Variants in AMMECR1 observed in about 807,000 individuals in gnomAD.
AMMECR1 encodes the protein AMMECR nuclear protein 1.
Under a neutral mutation model 22.5 loss-of-function variants are expected in AMMECR1, and 3 were observed. The ratio of observed to expected loss-of-function variants is 0.13; its 90% CI spans 0.06 to 0.35. AMMECR1 has a LOEUF of 0.35. AMMECR1 is among the 10% of genes least tolerant of loss of function. The pLI is 1.00. For missense variants in AMMECR1, 235 were observed against 278.7 expected, an observed-to-expected ratio of 0.84 and a Z score of 1.12; for synonymous variants, 130 against 116.7, an observed-to-expected ratio of 1.11 and a Z score of -0.74.
intron 1 of AMMECR1, among the ~76,000 whole-genome samples, chrX:110,314,676 G>T (rs2068039914): frequency 8.9e-6 from 1 of 111,935 alleles, no homozygotes; most frequent in Admixed American, 9.4e-5. Flanking sequence ...AAATCCAAGA[G>T]TGCTGATTTT....
At position 110,349,045 on chromosome X, in the gene AMMECR1, A is replaced by C. The variant is rs145511876; in HGVS notation, c.-147-31196T>G. Among the ~76,000 whole-genome samples the C allele has an allele frequency of 1.0e-3, 117 of 112,313 alleles. 1 individual carries two copies. Among genetic ancestry groups the C allele is most frequent in the Middle Eastern group, 4.6e-3 (1 of 218 alleles). On this transcript the variant is annotated intron_variant, in intron 2 of 7. Coordinates refer to the AMMECR1 transcript ENST00000372057. ...GTGATAAGATCTCATTGGCCTTAAA[A>C]GAAGAAAATAAAAATAAAGTAACAA...
intron 1 of AMMECR1, among the ~76,000 whole-genome samples, chrX:110,304,899 T>G (rs2067985976): frequency 8.9e-6 from 1 of 112,119 alleles, no homozygotes; most frequent in Non-Finnish European, 1.9e-5. Context: ...TTTCTCTGCC[T>G]AGACTGCTTT....
At chrX:110,319,524 C>G (rs750022050), upstream of AMMECR1, among the ~76,000 whole-genome samples, 6 of 112,029 alleles carry the variant, frequency 5.4e-5, no homozygotes, top group Non-Finnish European at 9.4e-5. Flanking sequence ...GTATGCCTCC[C>G]GCTCTAAAAG....
chrX:110,201,038 A>G lies in AMMECR1; in HGVS notation c.803T>C (p.Ile268Thr). ...CCTCAATAAGGAGTCTATGGTCTGT[A>G]TATGGTCCCATCCTGTAGAGAGATG... ...EVAKEQGWDHIQTIDSLLRKG... is the reference protein window; with the variant it reads ...EVAKEQGWDHTQTIDSLLRKG... The change falls in exon 5 of 6, where the codon ATA (isoleucine) becomes ACA (threonine). Residue 268 changes from isoleucine to threonine, a missense_variant. By Grantham distance (89) the Ile-to-Thr change is moderately conservative. Around this residue, in one of 2 missense-constraint regions of AMMECR1, gnomAD observed 111 missense variants for 181.7 expected, o/e 0.61. Coordinates refer to ENST00000262844, the MANE Select transcript of AMMECR1 (RefSeq NM_015365.3). 8.5e-7 allele frequency: 1 copy of G among 1,181,626 alleles called. No homozygotes were observed. Among genetic ancestry groups the G allele is most frequent in the Non-Finnish European group, 1.1e-6 (1 of 869,737 alleles).
intron 2 of AMMECR1, among the ~76,000 whole-genome samples, chrX:110,244,502 A>G (rs908135145): frequency 2.7e-5 from 3 of 112,064 alleles, no homozygotes; most frequent in Admixed American, 9.5e-5. Flanking sequence ...TTCGGCTTAC[A>G]TGTCAGCTAG....
At chrX:110,429,569 G>A (rs1056552672) in intron 1 of AMMECR1, among the ~76,000 whole-genome samples, 12 of 105,536 alleles carry the variant, frequency 1.1e-4, no homozygotes, top group East Asian at 6.1e-4. Flanking sequence ...TGCAACCTCC[G>A]CCTCCTGGGT....
chrX:110,217,502 T>TAC (rs759487797), intron 2 of AMMECR1, among the ~76,000 whole-genome samples: 13,212 of 88,356 alleles, frequency 0.15, 895 homozygotes, highest in African/African-American at 0.23. Flanking sequence ...GAATAGAAAA[T>TAC]ACACACACAC....
At chrX:110,369,653 A>AT (rs2068323899) in intron 2 of AMMECR1, among the ~76,000 whole-genome samples, 1 of 111,698 alleles carries the variant, frequency 9.0e-6, no homozygotes, top group East Asian at 2.8e-4. Flanking sequence ...AGCCACCAAG[A>AT]TCCCTTCCTG....
chrX:110,357,215 C>G (rs1049975214), intron 2 of AMMECR1, among the ~76,000 whole-genome samples: 1 of 111,488 alleles, frequency 9.0e-6, no homozygotes, highest in Non-Finnish European at 1.9e-5. Context: ...ATGGGAAAAT[C>G]AAATATTTGG....
chrX:110,200,460 C>G (rs2067391531), intron 5 of AMMECR1, among the ~76,000 whole-genome samples: 1 of 111,889 alleles, frequency 8.9e-6, no homozygotes, highest in Non-Finnish European at 1.9e-5. Flanking sequence ...CGGTATTTTC[C>G]TTTTTAAATA....
intron 1 of AMMECR1, among the ~76,000 whole-genome samples, chrX:110,306,006 G>A (rs931957550): frequency 8.4e-4 from 91 of 108,387 alleles, no homozygotes; most frequent in African/African-American, 2.8e-3. Flanking sequence ...ATTGGGCGAG[G>A]CGCGGTGGCT....
chrX:110,313,353 T>C (rs745351801), intron 1 of AMMECR1, among the ~76,000 whole-genome samples: 11 of 112,480 alleles, frequency 9.8e-5, no homozygotes, highest in Non-Finnish European at 1.7e-4. Flanking sequence ...CAAAATGTAG[T>C]ATTACGTTAA....
chrX:110,338,671 G>A (rs967072940), intron 2 of AMMECR1, among the ~76,000 whole-genome samples: 2 of 112,028 alleles, frequency 1.8e-5, no homozygotes, highest in African/African-American at 6.5e-5. Flanking sequence ...GGTTTCGCCT[G>A]TTTACAAATG....
intron 2 of AMMECR1, among the ~76,000 whole-genome samples, chrX:110,236,661 A>G (rs2067603349): frequency 8.9e-6 from 1 of 112,462 alleles, no homozygotes; most frequent in Non-Finnish European, 1.9e-5. Flanking sequence ...TAGTGAATGA[A>G]TGAAGGAATA....
chrX:110,313,523 A>G (rs1325558004), intron 1 of AMMECR1, among the ~76,000 whole-genome samples: 1 of 112,413 alleles, frequency 8.9e-6, no homozygotes, highest in Middle Eastern at 4.6e-3. Context: ...AACCATAGGC[A>G]TAAGTAAAAG....
In AMMECR1 at chrX:110,317,789, T is replaced by A. The variant is rs199797010; in HGVS notation, c.283A>T (p.Thr95Ser). 8.5e-5 allele frequency: 99 copies of A among 1,165,013 alleles called. No homozygotes were observed. The African/African-American group carries it at 1.4e-3, about 16-fold the overall frequency. The change falls in exon 1 of 6, where the codon ACC (threonine) becomes TCC (serine). Residue 95 changes from threonine to serine, a missense_variant. By Grantham distance (58) the Thr-to-Ser change is moderately conservative. Transcript: ENST00000262844. ...LSPPPSCGVG[T>S]LLSTPAAATS... ...GCGGCGGCCGGGGTAGAAAGTAGGGTCCCCACTCCGCAGCTCGGAGGTGGC... is the reference window on the plus strand; with the variant it reads ...GCGGCGGCCGGGGTAGAAAGTAGGGACCCCACTCCGCAGCTCGGAGGTGGC...
In AMMECR1 at chrX:110,381,106, C is replaced by G. The variant is rs779932494; in HGVS notation, c.-148+45552G>C. 6.3e-5 allele frequency among the ~76,000 whole-genome samples: 7 copies of G among 111,946 alleles called. No individual in the cohort carries two copies. In the East Asian group the frequency reaches 2.0e-3, roughly 31 times the overall value. ...AATTGACAGGTGGGATCTAATTAAA[C>G]CAAAGAGCTTCTGCACAGCAAAAGA... is the stretch of plus-strand genomic sequence containing the variant. On this transcript the variant is annotated intron_variant, in intron 2 of 7. Transcript: ENST00000372057.
intron 3 of AMMECR1, among the ~76,000 whole-genome samples, chrX:110,204,874 T>C (rs901194277): frequency 9.0e-6 from 1 of 111,603 alleles, no homozygotes; most frequent in Non-Finnish European, 1.9e-5. Flanking sequence ...TCAAATTTGA[T>C]AAGAAAAAAA....
chrX:110,210,245 C>T (rs1039619441), intron 3 of AMMECR1, among the ~76,000 whole-genome samples: 1 of 106,642 alleles, frequency 9.4e-6, no homozygotes, highest in Middle Eastern at 4.9e-3. Context: ...CAACACTCCA[C>T]GGCACTTAAA....
Sources: allele counts gnomAD v4.1 joint callset (sites outside exome capture counted in the v4.1 genomes callset), GRCh38; gene constraint gnomAD v4.1.1; regional missense constraint gnomAD v4.1.1; transcripts MANE v1.5; gene names NCBI Gene and HGNC (gene_info 2026-07-23, HGNC 2026-07-21).